The following CTNNBL1 variants were observed in gnomAD, a reference collection of about 807,000 sequenced individuals.
The protein encoded by CTNNBL1 is beta-catenin-like protein 1.
A neutral mutation model predicts 72.7 loss-of-function variants in CTNNBL1; 31 were observed. That is an observed-to-expected ratio of 0.43 (90% CI 0.32 to 0.58). The LOEUF (loss-of-function observed/expected upper bound fraction) is 0.58, where lower values mean the gene tolerates loss of function less well. Among genes scored for constraint, CTNNBL1 ranks in the 20% least tolerant of loss-of-function variants. CTNNBL1 has a pLI of 0.08. For synonymous variants in CTNNBL1, 240 were observed against 267.3 expected, an observed-to-expected ratio of 0.90 and a Z score of 1.00; for missense variants, 534 against 725.1, an observed-to-expected ratio of 0.74 and a Z score of 3.03.
At chr20:37,758,482 C>T (rs2073384915) in intron 5 of CTNNBL1, among the ~76,000 whole-genome samples, 1 of 152,240 alleles carries the variant, frequency 6.6e-6, no homozygotes, top group African/African-American at 2.4e-5. Flanking sequence ...CGTCCTGTGA[C>T]AGCTGATAAA....
Position 37,712,132 on chromosome 20 carries a change from G to C in CTNNBL1, c.30+17980G>C, listed in dbSNP as rs570375165. Reference sequence around the variant, plus strand: ...CTGTCCCTGGGATAATTGCTTTCCCGCCTAGGTTGTTTTCACAATCTCCAC... The same window carrying C: ...CTGTCCCTGGGATAATTGCTTTCCCCCCTAGGTTGTTTTCACAATCTCCAC... On this transcript the variant is annotated intron_variant, in intron 1 of 15. Transcript: ENST00000361383. 1.7e-3 allele frequency among the ~76,000 whole-genome samples: 253 copies of C among 152,270 alleles called. 1 individual carries two copies. The highest frequency in any genetic ancestry group is 5.3e-3 in the Admixed American group (81 of 15,288).
intron 1 of CTNNBL1, among the ~76,000 whole-genome samples, chr20:37,702,719 C>T (rs1402733193): frequency 6.6e-6 from 1 of 152,154 alleles, no homozygotes; most frequent in African/African-American, 2.4e-5. Context: ...TCTCTTTCTT[C>T]TGGCCCATTC....
intron 1 of CTNNBL1, among the ~76,000 whole-genome samples, chr20:37,719,754 G>T (rs1430479749): frequency 1.3e-5 from 2 of 152,098 alleles, no homozygotes; most frequent in Non-Finnish European, 2.9e-5. Flanking sequence ...TAATCTGTAG[G>T]CAGAAAGATT....
At chr20:37,866,442 T>C (rs12151942) in intron 15 of CTNNBL1, among the ~76,000 whole-genome samples, 54,011 of 152,036 alleles carry the variant, frequency 0.36, 10,003 homozygotes, top group Admixed American at 0.48. Flanking sequence ...TCTTCCCCTC[T>C]CCAAGCCATA....
At chr20:37,822,393 G>A (rs913943490) in intron 11 of CTNNBL1, among the ~76,000 whole-genome samples, 5 of 152,152 alleles carry the variant, frequency 3.3e-5, no homozygotes, top group African/African-American at 7.2e-5. Flanking sequence ...ATGATGAAGC[G>A]GGCTGGAGAG....
chr20:37,740,264 A>G (rs181198200), intron 3 of CTNNBL1, among the ~76,000 whole-genome samples: 3 of 152,252 alleles, frequency 2.0e-5, no homozygotes, highest in African/African-American at 7.2e-5. Flanking sequence ...TTGAATTCTC[A>G]CTGGTGCAGT....
intron 11 of CTNNBL1, among the ~76,000 whole-genome samples, chr20:37,838,195 G>C (rs2072271711): frequency 6.6e-6 from 1 of 152,204 alleles, no homozygotes; most frequent in African/African-American, 2.4e-5. Flanking sequence ...AGTCTGAGTT[G>C]GGGAGTCACT....
chr20:37,837,318 C>G (rs2072263839), intron 11 of CTNNBL1, among the ~76,000 whole-genome samples: 1 of 152,128 alleles, frequency 6.6e-6, no homozygotes, highest in Non-Finnish European at 1.5e-5. Flanking sequence ...TCATCCCACC[C>G]CAGTGAGTGA....
intron 15 of CTNNBL1, among the ~76,000 whole-genome samples, chr20:37,871,071 C>A (rs554607414): frequency 2.0e-5 from 3 of 152,126 alleles, no homozygotes; most frequent in Non-Finnish European, 2.9e-5. Context: ...ATTCCCATTC[C>A]CAAAAAAAGG....
intron 2 of CTNNBL1, among the ~76,000 whole-genome samples, chr20:37,734,781 C>G (rs187183036): frequency 1.3e-5 from 2 of 152,218 alleles, no homozygotes; most frequent in Non-Finnish European, 2.9e-5. Flanking sequence ...CCTCTGGTTT[C>G]TGACGTTGAG....
At chr20:37,822,343 T>A (rs1379843776) in intron 11 of CTNNBL1, among the ~76,000 whole-genome samples, 1 of 152,220 alleles carries the variant, frequency 6.6e-6, no homozygotes, top group African/African-American at 2.4e-5. Context: ...ATGCCCAGCA[T>A]CTGCCTTGGC....
chr20:37,705,762 T>C lies in CTNNBL1; in HGVS notation c.30+11610T>C, dbSNP rs75154028. Among the ~76,000 whole-genome samples the C allele has an allele frequency of 8.0e-3, 1,214 of 152,348 alleles. 22 individuals are homozygous for C. The highest frequency in any genetic ancestry group is 0.027 in the African/African-American group (1,106 of 41,576). On this transcript the variant is annotated intron_variant, in intron 1 of 15. Coordinates refer to ENST00000361383, the MANE Select transcript of CTNNBL1 (RefSeq NM_030877.5). Reference sequence around the variant, plus strand: ...AATTACTCCTTCCTTTGTCTTTTTTTCCCCTTAGTGTCCCTAAAGGAAGTG... The same window carrying C: ...AATTACTCCTTCCTTTGTCTTTTTTCCCCCTTAGTGTCCCTAAAGGAAGTG...
At chr20:37,764,306 A>G (rs984423716) in intron 5 of CTNNBL1, among the ~76,000 whole-genome samples, 1 of 152,158 alleles carries the variant, frequency 6.6e-6, no homozygotes, top group Non-Finnish European at 1.5e-5. Context: ...TCCCTTCCTG[A>G]TGATAGAAAA....
intron 10 of CTNNBL1, among the ~76,000 whole-genome samples, chr20:37,794,740 G>C (rs746528927): frequency 6.6e-6 from 1 of 151,818 alleles, no homozygotes; most frequent in African/African-American, 2.4e-5. Context: ...GGCCTCAAGT[G>C]ATCTTCCTGC....
At position 37,872,116 on chromosome 20, in the gene CTNNBL1, G is replaced by A; in HGVS notation, c.*103G>A. 1 of 1,042,608 alleles carries A rather than the reference G, an allele frequency of 9.6e-7. No homozygotes were observed. Among genetic ancestry groups the A allele is most frequent in the Non-Finnish European group, 1.5e-6 (1 of 683,156 alleles). 64.6% of individuals were successfully genotyped at this position (1,042,608 alleles called of 1,614,324 possible). A position where few individuals can be genotyped will look rare whatever the true frequency, so the allele number is the denominator to read the frequency against. On this transcript the variant is annotated 3_prime_UTR_variant, in exon 16 of 16. Transcript: ENST00000361383. ...TTTGGACAAATTAAAGCTAGTTTTGGTATCCCCGGGCCAGTTTTCTTTGTA... is the reference window on the plus strand; with the variant it reads ...TTTGGACAAATTAAAGCTAGTTTTGATATCCCCGGGCCAGTTTTCTTTGTA...
intron 5 of CTNNBL1, among the ~76,000 whole-genome samples, chr20:37,760,877 A>T (rs767451690): frequency 1.3e-5 from 2 of 152,258 alleles, no homozygotes; most frequent in African/African-American, 4.8e-5. Flanking sequence ...GTTCACAAAC[A>T]TTTTTTTCAG....
chr20:37,862,537 G>T (rs2122866322), intron 15 of CTNNBL1, among the ~76,000 whole-genome samples: 1 of 152,288 alleles, frequency 6.6e-6, no homozygotes, highest in South Asian at 2.1e-4. Flanking sequence ...TCGGATCCTG[G>T]TTTATTTCCC....
chr20:37,697,098 G>C (rs965520651), intron 1 of CTNNBL1, among the ~76,000 whole-genome samples: 6 of 151,932 alleles, frequency 3.9e-5, no homozygotes, highest in African/African-American at 1.5e-4. Context: ...CAGGAGAATT[G>C]CTTGAACCTG....
chr20:37,762,580 G>C (rs1438099775), intron 5 of CTNNBL1, among the ~76,000 whole-genome samples: 1 of 152,110 alleles, frequency 6.6e-6, no homozygotes, highest in Non-Finnish European at 1.5e-5. Context: ...GGGTTGCCCT[G>C]GCTGATGCTT....
Sources: gnomAD v4.1 joint callset for allele counts (sites outside exome capture counted in the v4.1 genomes callset) on GRCh38, gnomAD v4.1.1 for gene constraint, MANE v1.5 for transcripts, NCBI Gene and HGNC (gene_info 2026-07-23, HGNC 2026-07-21) for gene names.